The following RBM44 variants were observed in gnomAD, a reference collection of about 807,000 sequenced individuals.
RBM44 encodes the protein RNA binding motif protein 44.
Under a neutral mutation model 105.1 loss-of-function variants are expected in RBM44, and 66 were observed. The ratio of observed to expected loss-of-function variants is 0.63; its 90% CI spans 0.52 to 0.77. The LOEUF (loss-of-function observed/expected upper bound fraction) is 0.77, where lower values mean the gene tolerates loss of function less well. Ranked by LOEUF, RBM44 falls within the 30% of genes least tolerant of loss-of-function variation. The pLI is 0.00. For synonymous variants in RBM44, 365 were observed against 417.6 expected, an observed-to-expected ratio of 0.87 and a Z score of 1.54; for missense variants, 1,122 against 1,207.8, an observed-to-expected ratio of 0.93 and a Z score of 1.05.
At chr2:237,805,636 CA>C (rs1012183136) in intron 1 of RBM44, among the ~76,000 whole-genome samples, 1 of 152,080 alleles carries the variant, frequency 6.6e-6, no homozygotes, top group African/African-American at 2.4e-5. Context: ...TCACCATATA[CA>C]AAAATTAACT....
intron 12 of RBM44, among the ~76,000 whole-genome samples, chr2:237,828,123 T>A (rs2061866371): frequency 1.3e-5 from 2 of 152,192 alleles, no homozygotes; most frequent in Non-Finnish European, 2.9e-5. Context: ...ATGTAGTCAG[T>A]CTGAGTATGT....
Position 237,818,645 on chromosome 2 carries a change from G to A in RBM44, c.1677+49G>A. ...AAAATTTGGACTTTATAAAGAGACA[G>A]TGTATGCTAATGTAAGTGTTTTTGG... On this transcript the variant is annotated intron_variant, in intron 3 of 15. Coordinates refer to ENST00000316997, the MANE Select transcript of RBM44 (RefSeq NM_001080504.3). This position sits in a 1 kb window ranked among gnomAD's most constrained non-coding sequence, Gnocchi z 4.6. The A allele has an allele frequency of 7.8e-7, 1 of 1,278,198 alleles. No individual in the cohort carries two copies. The highest frequency in any genetic ancestry group is 1.1e-6 in the Non-Finnish European group (1 of 946,692). The allele number at this position is 1,278,198 out of a possible 1,614,324, so 79.2% of individuals were successfully genotyped here.
At chr2:237,826,662 C>A (rs901097548) in intron 10 of RBM44, among the ~76,000 whole-genome samples, 1 of 152,124 alleles carries the variant, frequency 6.6e-6, no homozygotes, top group Non-Finnish European at 1.5e-5. Context: ...GTCCACTGTT[C>A]TAGATAGCAC....
chr2:237,800,599 TTAAG>T (rs1264915845), intron 1 of RBM44, among the ~76,000 whole-genome samples: 1 of 152,218 alleles, frequency 6.6e-6, no homozygotes, highest in East Asian at 1.9e-4. Flanking sequence ...AAAATTTTAC[TTAAG>T]TAACGAATGT....
At chr2:237,826,002 C>T (rs1267729967) in intron 10 of RBM44, among the ~76,000 whole-genome samples, 2 of 152,124 alleles carry the variant, frequency 1.3e-5, no homozygotes, top group East Asian at 3.8e-4. Flanking sequence ...ACTCCTGAGA[C>T]CTCAGCATCC....
chr2:237,839,267 G>T (rs1006881989), intron 15 of RBM44, among the ~76,000 whole-genome samples: 2 of 152,042 alleles, frequency 1.3e-5, no homozygotes, highest in African/African-American at 2.4e-5. Context: ...TGTGGGGAGG[G>T]GTTGGTTTGT....
At chr2:237,829,146 A>T in intron 12 of RBM44, 71 bp from the exon 13 acceptor site, 1 of 1,098,954 alleles carries the variant, frequency 9.1e-7, no homozygotes, top group Non-Finnish European at 1.3e-6. Flanking sequence ...TTGCATCAGT[A>T]GTTGCAAAAT....
At chr2:237,829,581 C>A (rs2061883749) in intron 13 of RBM44, 79 bp downstream of exon 13, 1 of 1,232,744 alleles carries the variant, frequency 8.1e-7, no homozygotes, top group South Asian at 1.5e-5. Context: ...TAAATAACTT[C>A]AATATGCAGT....
At chr2:237,807,758 C>A (rs1487832146) in intron 1 of RBM44, among the ~76,000 whole-genome samples, 1 of 152,144 alleles carries the variant, frequency 6.6e-6, no homozygotes, top group Non-Finnish European at 1.5e-5. Flanking sequence ...CTGTGCCTTA[C>A]AATTAAAGTA....
At chr2:237,830,203 C>T (rs182014063) in intron 13 of RBM44, among the ~76,000 whole-genome samples, 4 of 152,256 alleles carry the variant, frequency 2.6e-5, no homozygotes, top group African/African-American at 9.6e-5. Flanking sequence ...CTATATAGCC[C>T]TGTTAGCCTG....
In RBM44 at chr2:237,818,572, A is replaced by G. The variant is rs752178983; in HGVS notation, c.1653A>G (p.Lys551=). The G allele has an allele frequency of 1.9e-6, 3 of 1,548,726 alleles. No homozygotes were observed. The highest frequency in any genetic ancestry group is 2.6e-6 in the Non-Finnish European group (3 of 1,152,476). ...AATCTCTCTCCGTTGACAGTTTAAA[A>G]CCTAATGGAAATTTTCTAAATAAGG... ...SGKSLSVDSL[K]PNGNFLNKDF... Residue 551 remains lysine (K), a synonymous_variant, in exon 3 of 16, where the codon AAA becomes AAG. Coordinates refer to ENST00000316997, the MANE Select transcript of RBM44 (RefSeq NM_001080504.3). This position sits in a 1 kb window ranked among gnomAD's most constrained non-coding sequence, Gnocchi z 4.6.
intron 15 of RBM44, among the ~76,000 whole-genome samples, chr2:237,839,495 T>C (rs944026843): frequency 2.7e-5 from 4 of 149,080 alleles, no homozygotes; most frequent in African/African-American, 4.9e-5. Context: ...GGTCTCGATC[T>C]CTTGACCTTG....
At chr2:237,825,694 A>G (rs990178940) in intron 10 of RBM44, among the ~76,000 whole-genome samples, 1 of 152,146 alleles carries the variant, frequency 6.6e-6, no homozygotes, top group Non-Finnish European at 1.5e-5. Flanking sequence ...TACGGCATGC[A>G]GCCCATTGGA....
intron 10 of RBM44, among the ~76,000 whole-genome samples, chr2:237,825,686 C>T (rs1332950487): frequency 3.9e-5 from 6 of 152,220 alleles, no homozygotes; most frequent in South Asian, 2.1e-4. Context: ...GTGCCAGGTA[C>T]GGCATGCAGC....
intron 5 of RBM44, 44 bp downstream of exon 5, chr2:237,820,395 C>A (rs749838881): frequency 3.3e-6 from 4 of 1,221,662 alleles, no homozygotes; most frequent in Non-Finnish European, 4.6e-6. Flanking sequence ...AAATGTGTCA[C>A]TAGCTTTAAG....
In RBM44 at chr2:237,820,224, T is replaced by G. The variant is rs1349723136; in HGVS notation, c.1786T>G (p.Cys596Gly). The change falls in exon 5 of 16, where the codon TGT (cysteine) becomes GGT (glycine). Residue 596 changes from cysteine to glycine, a missense_variant. By Grantham distance (159) the Cys-to-Gly change is radical. This residue lies in a region of RBM44 where 918 missense variants were observed against 955.3 expected (regional missense o/e 0.96). Transcript: ENST00000316997. ...AGAGAAGGATTTGCCATCAATGTGC[T>G]GTCAGAAGATAATGCAGAGAGCCAT... ...DTEKDLPSMCCQKIMQRAIKA... is the reference protein window; with the variant it reads ...DTEKDLPSMCGQKIMQRAIKA... The G allele has an allele frequency of 1.3e-6, 2 of 1,581,878 alleles. No homozygotes were observed. The highest frequency in any genetic ancestry group is 1.4e-5 in the African/African-American group (1 of 73,886).
chr2:237,827,096 G>A (rs2061854739), intron 10 of RBM44, among the ~76,000 whole-genome samples, 154 bp from the exon 11 acceptor site: 2 of 152,148 alleles, frequency 1.3e-5, no homozygotes, highest in African/African-American at 4.8e-5. Context: ...CAGGCTCTTA[G>A]TCCTCAGTCT....
Position 237,817,076 on chromosome 2 carries a change from G to A in RBM44, c.157G>A (p.Asp53Asn). Residue 53 changes from aspartate (D) to asparagine (N), a missense_variant, in exon 3 of 16, where the codon GAC becomes AAC. Physicochemically the swap from Asp to Asn is conservative, Grantham distance 23. Around this residue, in one of 3 missense-constraint regions of RBM44, gnomAD observed 918 missense variants for 955.3 expected, o/e 0.96. Transcript: ENST00000316997. ...AGTCAAATTGACTTTTCCTGATGATGACTGGAATTCTTCGACACTAGAGCA... is the reference window on the plus strand; with the variant it reads ...AGTCAAATTGACTTTTCCTGATGATAACTGGAATTCTTCGACACTAGAGCA... ...DEVKLTFPDD[D>N]WNSSTLEQRA... 1 of 1,602,204 alleles carries A rather than the reference G, an allele frequency of 6.2e-7. No homozygotes were observed. Among genetic ancestry groups the A allele is most frequent in the East Asian group, 2.2e-5 (1 of 44,744 alleles).
chr2:237,825,384 T>G (rs985523440), intron 10 of RBM44, among the ~76,000 whole-genome samples: 10 of 152,124 alleles, frequency 6.6e-5, no homozygotes, highest in African/African-American at 1.9e-4. Context: ...TTTTGTATCT[T>G]TAGTAGTGAC....
Sources: allele counts gnomAD v4.1 joint callset (sites outside exome capture counted in the v4.1 genomes callset), GRCh38; gene constraint gnomAD v4.1.1; regional missense constraint gnomAD v4.1.1; non-coding constraint Gnocchi (gnomAD v3.1); transcripts MANE v1.5; gene names NCBI Gene and HGNC (gene_info 2026-07-23, HGNC 2026-07-21).